The following HHAT variants were observed in gnomAD, a reference collection of about 807,000 sequenced individuals.
HHAT encodes the protein protein-cysteine N-palmitoyltransferase HHAT.
Under a neutral mutation model 70.8 loss-of-function variants are expected in HHAT, and 47 were observed. The ratio of observed to expected loss-of-function variants is 0.66; its 90% confidence interval spans 0.53 to 0.85. The LOEUF is 0.85. Among genes scored for constraint, HHAT ranks in the 40% least tolerant of loss-of-function variants. HHAT has a pLI of 0.00. For missense variants in HHAT, 609 were observed against 604.8 expected, an observed-to-expected ratio of 1.01 and a Z score of -0.07; for synonymous variants, 228 against 247.6, an observed-to-expected ratio of 0.92 and a Z score of 0.74.
chr1:210,581,655 TA>T (rs1324109082), intron 9 of HHAT, among the ~76,000 whole-genome samples: 8 of 152,202 alleles, frequency 5.3e-5, no homozygotes, highest in African/African-American at 1.9e-4. Flanking sequence ...CTTTTGACTT[TA>T]GTAGGGTAAT....
At chr1:210,640,849 T>C (rs1672846502) in intron 11 of HHAT, among the ~76,000 whole-genome samples, 2 of 152,202 alleles carry the variant, frequency 1.3e-5, no homozygotes, top group Admixed American at 6.5e-5. Context: ...CAAAGCACAT[T>C]TATTTGCATT....
At chr1:210,351,079 A>G (rs952271260) in intron 2 of HHAT, among the ~76,000 whole-genome samples, 2 of 152,180 alleles carry the variant, frequency 1.3e-5, no homozygotes, top group Non-Finnish European at 2.9e-5. Context: ...AAGTTCCATG[A>G]TCTTCTGTCT....
At chr1:210,343,743 A>C (rs2086246139) in intron 1 of HHAT, among the ~76,000 whole-genome samples, 1 of 152,104 alleles carries the variant, frequency 6.6e-6, no homozygotes, top group Non-Finnish European at 1.5e-5. Context: ...GAGGAATGAG[A>C]CATTAACGAA....
intron 8 of HHAT, among the ~76,000 whole-genome samples, chr1:210,503,260 T>C (rs1291178243): frequency 6.6e-6 from 1 of 152,182 alleles, no homozygotes; most frequent in Non-Finnish European, 1.5e-5. Flanking sequence ...ATGTATTCAA[T>C]ATTTAATTTT....
rs529240037 is a variant in HHAT at position 210,417,854 on chromosome 1, C to A, written c.685-300C>A. The stretch of plus-strand genomic sequence containing the variant: ...AAAATACACTGAGTGCTGCCCTCCC[C>A]GCTTGGGTTTTTCCAGGGCTGATGC... On this transcript the variant is annotated intron_variant, in intron 6 of 11. Coordinates refer to ENST00000261458, the MANE Select transcript of HHAT (RefSeq NM_018194.6). 2.6e-5 allele frequency among the ~76,000 whole-genome samples: 4 copies of A among 152,236 alleles called. No individual in the cohort carries two copies. The South Asian group carries it at 6.2e-4, about 24-fold the overall frequency.
intron 3 of HHAT, among the ~76,000 whole-genome samples, chr1:210,385,298 G>T: frequency 8.0e-6 from 1 of 125,154 alleles, no homozygotes; most frequent in East Asian, 2.2e-4. Flanking sequence ...AAAGTGTCTT[G>T]GCTTTTGTGT....
intron 11 of HHAT, among the ~76,000 whole-genome samples, chr1:210,629,592 G>A (rs150161719): frequency 2.6e-5 from 4 of 152,312 alleles, no homozygotes; most frequent in African/African-American, 9.6e-5. Flanking sequence ...TTTGAAATCA[G>A]TCTCACTGGG....
intron 3 of HHAT, chr1:210,369,607 G>T (rs1218915030): frequency 6.6e-6 from 1 of 152,224 alleles, no homozygotes; most frequent in African/African-American, 2.4e-5. Flanking sequence ...ACGTGCCAGG[G>T]ATGCTGTGAC....
intron 6 of HHAT, among the ~76,000 whole-genome samples, chr1:210,411,440 A>G (rs951772818): frequency 2.6e-5 from 4 of 152,234 alleles, no homozygotes; most frequent in African/African-American, 4.8e-5. Context: ...ACGTTCAGCT[A>G]GAAGACTTGC....
At chr1:210,586,979 T>C (rs1000876671) in intron 9 of HHAT, among the ~76,000 whole-genome samples, 16 of 152,208 alleles carry the variant, frequency 1.1e-4, no homozygotes, top group African/African-American at 3.1e-4. Context: ...CTCTTTTCTT[T>C]ATTGTGAATT....
intron 1 of HHAT, among the ~76,000 whole-genome samples, chr1:210,347,084 T>TGC (rs2086588430): frequency 6.6e-6 from 1 of 152,216 alleles, no homozygotes; most frequent in Non-Finnish European, 1.5e-5. Flanking sequence ...TACATTATTG[T>TGC]TAACTATAAT....
At chr1:210,507,271 AAAC>A (rs2094873093) in intron 8 of HHAT, among the ~76,000 whole-genome samples, 1 of 152,194 alleles carries the variant, frequency 6.6e-6, no homozygotes, top group Non-Finnish European at 1.5e-5. Flanking sequence ...ACTTCTAAGA[AAAC>A]AATGTGTATT....
rs545730287 is a variant in HHAT at position 210,672,296 on chromosome 1, C to T, written c.1391-1992C>T. ...AATGGTTGACATAACAAGAAGAGAA[C>T]CTGTAATCACCCCCAGGGGCTTCCC... On this transcript the variant is annotated intron_variant, in intron 11 of 11. Coordinates refer to ENST00000261458, the MANE Select transcript of HHAT (RefSeq NM_018194.6). 2.6e-5 allele frequency among the ~76,000 whole-genome samples: 4 copies of T among 152,274 alleles called. No individual in the cohort carries two copies. In the East Asian group the frequency reaches 7.7e-4, roughly 29 times the overall value.
At chr1:210,584,280 A>T (rs1303729656) in intron 9 of HHAT, among the ~76,000 whole-genome samples, 1 of 152,070 alleles carries the variant, frequency 6.6e-6, no homozygotes, top group African/African-American at 2.4e-5. Flanking sequence ...ATTAAAAAAA[A>T]AATCTCTTCT....
intron 11 of HHAT, among the ~76,000 whole-genome samples, chr1:210,652,824 A>G (rs1403215018): frequency 6.6e-6 from 1 of 152,220 alleles, no homozygotes; most frequent in Admixed American, 6.5e-5. Flanking sequence ...AGGACAAGGT[A>G]CTACACCAGG....
intron 11 of HHAT, among the ~76,000 whole-genome samples, chr1:210,649,653 G>A (rs561053859): frequency 3.9e-5 from 6 of 152,332 alleles, no homozygotes; most frequent in South Asian, 2.1e-4. Flanking sequence ...GATCAGAGTC[G>A]AGAATGACCT....
chr1:210,569,842 G>GT (rs200826554), intron 9 of HHAT, among the ~76,000 whole-genome samples: 84 of 151,206 alleles, frequency 5.6e-4, no homozygotes, highest in East Asian at 3.7e-3. Context: ...GCTTCAATTT[G>GT]TTTTTTTTTA....
rs375328329 is a variant in HHAT at position 210,373,155 on chromosome 1, A to C, written c.159+10236A>C. On this transcript the variant is annotated intron_variant, in intron 3 of 11. Coordinates refer to ENST00000261458, the MANE Select transcript of HHAT (RefSeq NM_018194.6). Reference sequence around the variant, plus strand: ...AGAACTGTCCTTAGAGGTGGATTAAAGTTAATTTACACACAAACATGGAAG... The same window carrying C: ...AGAACTGTCCTTAGAGGTGGATTAACGTTAATTTACACACAAACATGGAAG... 3.3e-5 allele frequency among the ~76,000 whole-genome samples: 5 copies of C among 152,148 alleles called. No individual in the cohort carries two copies. The East Asian group carries it at 9.6e-4, about 29-fold the overall frequency.
At chr1:210,621,845 C>T (rs1668897011) in intron 10 of HHAT, among the ~76,000 whole-genome samples, 1 of 152,188 alleles carries the variant, frequency 6.6e-6, no homozygotes, top group Admixed American at 6.5e-5. Flanking sequence ...TCTCACTGTC[C>T]ACTGCACAGC....
Sources: gnomAD v4.1 joint callset for allele counts (sites outside exome capture counted in the v4.1 genomes callset) on GRCh38, gnomAD v4.1.1 for gene constraint, MANE v1.5 for transcripts, NCBI Gene and HGNC (gene_info 2026-07-23, HGNC 2026-07-21) for gene names.